The following AGAP1 variants were observed in gnomAD, a reference collection of about 807,000 sequenced individuals.
AGAP1 encodes arf-GAP with GTPase, ANK repeat and PH domain-containing protein 1.
AGAP1 carries 29 observed loss-of-function variants against 105.3 expected under a neutral mutation model. The observed-to-expected ratio is 0.28, with a 90% CI of 0.21 to 0.38. The LOEUF (loss-of-function observed/expected upper bound fraction) is 0.38, where lower values mean the gene tolerates loss of function less well. Ranked by LOEUF, AGAP1 falls within the 10% of genes least tolerant of loss-of-function variation. The pLI, the probability that AGAP1 is intolerant of heterozygous loss-of-function variation, is 1.00. For missense variants in AGAP1, 998 were observed against 1,165.1 expected (o/e 0.86, Z 2.09); for synonymous variants, 509 against 485.9 (o/e 1.05, Z -0.63).
In AGAP1 at chr2:235,891,824, C is replaced by A. The variant is rs2050560208; in HGVS notation, c.1155+8375C>A. Among the ~76,000 whole-genome samples the A allele has an allele frequency of 6.6e-6, 1 of 152,148 alleles. No individual in the cohort carries two copies. The highest frequency in any genetic ancestry group is 2.4e-5 in the African/African-American group (1 of 41,428). On this transcript the variant is annotated intron_variant, in intron 10 of 17. Transcript: ENST00000304032. This position sits in a 1 kb window ranked among gnomAD's most constrained non-coding sequence, Gnocchi z 4.2. ...TGAAACTCCTCCCCTCCGGGCCATACCTGGCAGACGTGCATGAACTGGTCA... is the reference window on the plus strand; with the variant it reads ...TGAAACTCCTCCCCTCCGGGCCATAACTGGCAGACGTGCATGAACTGGTCA...
Position 235,966,829 on chromosome 2 carries a change from G to A in AGAP1, c.1484-1633G>A, listed in dbSNP as rs149787473. On this transcript the variant is annotated intron_variant, in intron 12 of 17. Transcript: ENST00000304032. ...CGCTTCCGACTGTGCAGAGAGGGGCGAGGGGTCTCTGCCTTAGGGCGGCCA... is the reference window on the plus strand; with the variant it reads ...CGCTTCCGACTGTGCAGAGAGGGGCAAGGGGTCTCTGCCTTAGGGCGGCCA... 3.6e-3 allele frequency among the ~76,000 whole-genome samples: 547 copies of A among 152,258 alleles called. 5 individuals are homozygous for A. Among genetic ancestry groups the A allele is most frequent in the Admixed American group, 0.021 (321 of 15,300 alleles).
rs553434788 is a variant in AGAP1, at chr2:235,893,260, T to C, written c.1155+9811T>C. On this transcript the variant is annotated intron_variant, in intron 10 of 17. Transcript: ENST00000304032. The surrounding 1 kb of genome is among the most constrained non-coding windows in gnomAD (Gnocchi z 4.7). ...TAGCGCGGGTGTGCCATGTCCATCA[T>C]AAGGAAGCGCCGTGTCTGTAGCGTG... 6.6e-6 allele frequency among the ~76,000 whole-genome samples: 1 copy of C among 150,466 alleles called. No homozygotes were observed. The highest frequency in any genetic ancestry group is 6.6e-5 in the Admixed American group (1 of 15,132).
chr2:235,831,657 C>T (rs1959426850), intron 9 of AGAP1, among the ~76,000 whole-genome samples: 1 of 152,184 alleles, frequency 6.6e-6, no homozygotes, highest in African/African-American at 2.4e-5. Context: ...CTTTCCAGTG[C>T]TGAGTAATAT....
Position 235,717,560 on chromosome 2 carries a change from A to G in AGAP1, c.226A>G (p.Ile76Val). The G allele has an allele frequency of 6.3e-7, 1 of 1,593,296 alleles. No individual in the cohort carries two copies. The highest frequency in any genetic ancestry group is 8.5e-7 in the Non-Finnish European group (1 of 1,174,684). Reference sequence around the variant, plus strand: ...CGGTTGTCCGTTTCTGTTTCAGGGAATTGTGGGTAACTTGGCCAGCGGCAA... The same window carrying G: ...CGGTTGTCCGTTTCTGTTTCAGGGAGTTGTGGGTAACTTGGCCAGCGGCAA... ...SRSVPELKVG[I>V]VGNLASGKSA... Residue 76 changes from isoleucine (I) to valine (V), a missense_variant, in exon 3 of 18, where the codon ATT becomes GTT. By Grantham distance (29) the Ile-to-Val change is conservative (BLOSUM62 3). This residue lies in a region of AGAP1 where 735 missense variants were observed against 833.4 expected (regional missense o/e 0.88). Transcript: ENST00000304032.
intron 16 of AGAP1, among the ~76,000 whole-genome samples, chr2:236,112,408 T>G (rs1262109471): frequency 6.8e-6 from 1 of 146,752 alleles, no homozygotes; most frequent in African/African-American, 2.6e-5. Flanking sequence ...ACAGCGACAT[T>G]CCATCTCGAA....
chr2:236,096,088 ATACTGATGATGGAACCGCAG>A lies in AGAP1; in HGVS notation c.2115-24099_2115-24080del, dbSNP rs2059184975. Among the ~76,000 whole-genome samples the A allele has an allele frequency of 6.6e-6, 1 of 152,204 alleles. No individual in the cohort carries two copies. The highest frequency in any genetic ancestry group is 6.6e-5 in the Admixed American group (1 of 15,266). ...ACAGACCTCAGATTTGGTGGAAGCA[ATACTGATGATGGAACCGCAG>A]TACTATGTATCTTACCCTACCATGT... On this transcript the variant is annotated intron_variant, in intron 16 of 17. Coordinates refer to ENST00000304032, the MANE Select transcript of AGAP1 (RefSeq NM_001037131.3). This position sits in a 1 kb window ranked among gnomAD's most constrained non-coding sequence, Gnocchi z 4.4.
intron 11 of AGAP1, among the ~76,000 whole-genome samples, chr2:235,928,094 GC>G (rs941344334): frequency 6.6e-6 from 1 of 152,116 alleles, no homozygotes; most frequent in Non-Finnish European, 1.5e-5. Context: ...CAAGGGAGGT[GC>G]CCCCCCAATC....
rs1024342451 is a variant in AGAP1, at chr2:235,866,804, G to T, written c.1051-16541G>T. Reference sequence around the variant, plus strand: ...CATCTTCTCCCTGTGTCTTCACGTGGTCTTTCTCCGTGAGTGTCTGTGTCC... The same window carrying T: ...CATCTTCTCCCTGTGTCTTCACGTGTTCTTTCTCCGTGAGTGTCTGTGTCC... On this transcript the variant is annotated intron_variant, in intron 9 of 17. Transcript: ENST00000304032. This position sits in a 1 kb window ranked among gnomAD's most constrained non-coding sequence, Gnocchi z 6.1. Among the ~76,000 whole-genome samples the T allele has an allele frequency of 6.6e-6, 1 of 152,200 alleles. No individual in the cohort carries two copies. Among genetic ancestry groups the T allele is most frequent in the African/African-American group, 2.4e-5 (1 of 41,456 alleles).
rs1226155367 is a variant in AGAP1, at chr2:236,055,280, C to T, written c.2114+5999C>T. Among the ~76,000 whole-genome samples, 2 of 152,184 alleles carry T rather than the reference C, an allele frequency of 1.3e-5. No individual in the cohort carries two copies. The highest frequency in any genetic ancestry group is 2.1e-4 in the South Asian group (1 of 4,820). On this transcript the variant is annotated intron_variant, in intron 16 of 17. Coordinates refer to ENST00000304032, the MANE Select transcript of AGAP1 (RefSeq NM_001037131.3). This position sits in a 1 kb window ranked among gnomAD's most constrained non-coding sequence, Gnocchi z 6.2. ...GCAAGGACAGTTTAACTTTCTTCTT[C>T]GCCGTGCAGACCCCCCTACATGTAC...
intron 1 of AGAP1, among the ~76,000 whole-genome samples, chr2:235,597,511 G>C (rs985476663): frequency 1.3e-5 from 2 of 152,184 alleles, no homozygotes; most frequent in East Asian, 1.9e-4. Flanking sequence ...CCTAAGGGGT[G>C]TCTCCAGCTG....
intron 3 of AGAP1, among the ~76,000 whole-genome samples, chr2:235,718,136 A>G (rs1296706218): frequency 6.7e-6 from 1 of 148,290 alleles, no homozygotes; most frequent in African/African-American, 2.5e-5. Context: ...TGAGAGTAAG[A>G]TTTTTTTTTT....
intron 1 of AGAP1, among the ~76,000 whole-genome samples, chr2:235,643,129 A>G (rs1261320121): frequency 6.6e-6 from 1 of 152,056 alleles, no homozygotes; most frequent in African/African-American, 2.4e-5. Flanking sequence ...GCATACATGG[A>G]TTCTTTGAAA....
chr2:236,120,369 C>G lies in AGAP1; in HGVS notation c.2292C>G (p.Cys764Trp), dbSNP rs374478246. ...HGSRDEVNETCGEGDGRTALH... is the reference protein window; with the variant it reads ...HGSRDEVNETWGEGDGRTALH... Reference sequence around the variant, plus strand: ...CCCGGGACGAGGTGAACGAGACCTGCGGGGAGGGAGACGGCCGCACGGCGC... The same window carrying G: ...CCCGGGACGAGGTGAACGAGACCTGGGGGGAGGGAGACGGCCGCACGGCGC... The change falls in exon 17 of 18, where the codon TGC becomes TGG. Residue 764 changes from cysteine to tryptophan, a missense_variant. Physicochemically the swap from Cys to Trp is radical, Grantham distance 215. Around this residue, in one of 3 missense-constraint regions of AGAP1, gnomAD observed 235 missense variants for 270.7 expected, o/e 0.87. Transcript: ENST00000304032. This position sits in a 1 kb window ranked among gnomAD's most constrained non-coding sequence, Gnocchi z 6.0. 3.1e-6 allele frequency: 5 copies of G among 1,611,562 alleles called. No individual in the cohort carries two copies. The African/African-American group carries it at 5.3e-5, about 17-fold the overall frequency.
chr2:235,604,346 G>A (rs1278661723), intron 1 of AGAP1, among the ~76,000 whole-genome samples: 2 of 151,674 alleles, frequency 1.3e-5, no homozygotes. Context: ...GCTGAACATG[G>A]TGGTGTGCAC....
At chr2:235,656,524 C>T (rs1313149875) in intron 1 of AGAP1, among the ~76,000 whole-genome samples, 2 of 152,190 alleles carry the variant, frequency 1.3e-5, no homozygotes, top group African/African-American at 4.8e-5. Context: ...ACCTGCTCTG[C>T]CCTGACTCAT....
Position 236,119,562 on chromosome 2 carries a change from C to A in AGAP1, c.2115-630C>A. ...GTCACCCCCAGGTGTGGGGAGCGCA[C>A]CGGCTGTCCCTTCCCCCCACCCCCG... is the stretch of plus-strand genomic sequence containing the variant. On this transcript the variant is annotated intron_variant, in intron 16 of 17. Coordinates refer to ENST00000304032, the MANE Select transcript of AGAP1 (RefSeq NM_001037131.3). This position sits in a 1 kb window ranked among gnomAD's most constrained non-coding sequence, Gnocchi z 6.6. 6.6e-6 allele frequency among the ~76,000 whole-genome samples: 1 copy of A among 152,014 alleles called. No individual in the cohort carries two copies.
Position 235,535,799 on chromosome 2 carries a change from C to T in AGAP1, c.163+40950C>T, listed in dbSNP as rs1048426737. On this transcript the variant is annotated intron_variant, in intron 1 of 17. Coordinates refer to ENST00000304032, the MANE Select transcript of AGAP1 (RefSeq NM_001037131.3). This position sits in a 1 kb window ranked among gnomAD's most constrained non-coding sequence, Gnocchi z 5.1. ...CAGTGGGCTCAGTCTCTGCATAGCC[C>T]GGCAGGCAGCGGCTCTGCTTTCCAG... 2.6e-5 allele frequency among the ~76,000 whole-genome samples: 4 copies of T among 151,956 alleles called. No individual in the cohort carries two copies. The highest frequency in any genetic ancestry group is 1.3e-4 in the Admixed American group (2 of 15,254).
At chr2:235,937,532 G>A (rs536105090) in intron 12 of AGAP1, among the ~76,000 whole-genome samples, 250 of 152,174 alleles carry the variant, frequency 1.6e-3, no homozygotes, top group Middle Eastern at 0.014. Flanking sequence ...TTTCATTCCC[G>A]AAGACCAGAA....
chr2:235,833,578 A>G (rs1158978580), intron 9 of AGAP1, among the ~76,000 whole-genome samples: 1 of 151,178 alleles, frequency 6.6e-6, no homozygotes, highest in Non-Finnish European at 1.5e-5. Flanking sequence ...GTCACTCTGG[A>G]TCCCACCTAT....
Sources: gnomAD v4.1 joint callset for allele counts (sites outside exome capture counted in the v4.1 genomes callset) on GRCh38, gnomAD v4.1.1 for gene constraint, gnomAD v4.1.1 regional missense constraint, Gnocchi (gnomAD v3.1) non-coding constraint, MANE v1.5 for transcripts, NCBI Gene and HGNC (gene_info 2026-07-23, HGNC 2026-07-21) for gene names.